Variants in NEDD4L observed in about 807,000 individuals in gnomAD.
NEDD4L encodes the protein NEDD4 like E3 ubiquitin protein ligase, also known as E3 ubiquitin-protein ligase NEDD4-like.
In NEDD4L, 54 loss-of-function variants were observed where a neutral mutation model predicts 148.9. The observed-to-expected ratio is 0.36, with a 90% confidence interval of 0.29 to 0.45. The LOEUF is 0.45. Ranked by LOEUF, NEDD4L falls within the 20% of genes least tolerant of loss-of-function variation. The pLI is 1.00. For missense variants in NEDD4L, 856 were observed against 1,233.8 expected (o/e 0.69, Z 4.59); for synonymous variants, 433 against 440.7 (o/e 0.98, Z 0.22).
At chr18:58,232,103 T>C (rs2045313129) in intron 2 of NEDD4L, among the ~76,000 whole-genome samples, 1 of 152,186 alleles carries the variant, frequency 6.6e-6, no homozygotes, top group Non-Finnish European at 1.5e-5. Context: ...GGGAGAAACA[T>C]ACACCCATAA....
intron 1 of NEDD4L, among the ~76,000 whole-genome samples, chr18:58,110,573 G>T (rs2085357878): frequency 6.6e-6 from 1 of 152,206 alleles, no homozygotes. Context: ...GTCCCAGAAG[G>T]TAGCCGTGCT....
chr18:58,111,090 G>A (rs1196931185), intron 1 of NEDD4L, among the ~76,000 whole-genome samples: 2 of 152,148 alleles, frequency 1.3e-5, no homozygotes, highest in East Asian at 3.8e-4. Context: ...CTCTTGTTGA[G>A]ACAGAGTCTC....
chr18:58,239,455 TC>T (rs1337858568), intron 2 of NEDD4L, among the ~76,000 whole-genome samples: 1 of 152,074 alleles, frequency 6.6e-6, no homozygotes, highest in African/African-American at 2.4e-5. Flanking sequence ...CTGAATGTAA[TC>T]CCCCTTGACA....
chr18:58,309,085 T>C (rs943021392), intron 5 of NEDD4L, among the ~76,000 whole-genome samples: 1 of 152,226 alleles, frequency 6.6e-6, no homozygotes, highest in Non-Finnish European at 1.5e-5. Flanking sequence ...AGTTATTCCC[T>C]GTTTAATGTC....
At chr18:58,096,163 C>G (rs544417114) in intron 1 of NEDD4L, among the ~76,000 whole-genome samples, 1 of 151,916 alleles carries the variant, frequency 6.6e-6, no homozygotes, top group East Asian at 1.9e-4. Context: ...GTGTGTGGCT[C>G]TTTTCCTTTA....
chr18:58,266,173 A>G (rs1452407102), intron 5 of NEDD4L, among the ~76,000 whole-genome samples: 4 of 152,188 alleles, frequency 2.6e-5, no homozygotes, highest in East Asian at 1.9e-4. Context: ...AAAAATTATA[A>G]TGTTGATCGG....
At chr18:58,391,878 A>G in intron 30 of NEDD4L, among the ~76,000 whole-genome samples, 1 of 152,236 alleles carries the variant, frequency 6.6e-6, no homozygotes, top group East Asian at 1.9e-4. Flanking sequence ...CTCAACCTGT[A>G]TAATAAACAC....
chr18:58,129,024 A>G (rs1234809277), intron 1 of NEDD4L, among the ~76,000 whole-genome samples: 1 of 152,184 alleles, frequency 6.6e-6, no homozygotes, highest in African/African-American at 2.4e-5. Flanking sequence ...ATTTTCCAGC[A>G]TTTGTTTTCA....
chr18:58,310,712 A>G (rs1417138429), intron 5 of NEDD4L, among the ~76,000 whole-genome samples: 1 of 152,200 alleles, frequency 6.6e-6, no homozygotes, highest in Non-Finnish European at 1.5e-5. Context: ...GAAGGAGGAA[A>G]AGGAACATTC....
chr18:58,141,767 AAGT>A (rs1827027789), intron 1 of NEDD4L, among the ~76,000 whole-genome samples: 1 of 152,202 alleles, frequency 6.6e-6, no homozygotes, highest in Non-Finnish European at 1.5e-5. Flanking sequence ...AATATTTGAA[AAGT>A]ATACCTTGCC....
At chr18:58,272,832 C>T (rs1189508510) in intron 5 of NEDD4L, among the ~76,000 whole-genome samples, 1 of 152,118 alleles carries the variant, frequency 6.6e-6, no homozygotes, top group African/African-American at 2.4e-5. Context: ...AGATGTGGCC[C>T]CTGCCCTTGT....
At chr18:58,059,340 G>A (rs1440009698) in intron 1 of NEDD4L, among the ~76,000 whole-genome samples, 1 of 152,202 alleles carries the variant, frequency 6.6e-6, no homozygotes, top group African/African-American at 2.4e-5. Context: ...AAAGGCAAAT[G>A]TGTTCCACGG....
intron 2 of NEDD4L, 24 bp from the exon 3 acceptor site, chr18:58,245,403 T>G: frequency 1.7e-6 from 2 of 1,195,344 alleles, no homozygotes; most frequent in Non-Finnish European, 2.4e-6. Flanking sequence ...ATAATCCTAT[T>G]AAATCTAAAA....
At chr18:58,322,524 C>A in intron 7 of NEDD4L, 38 bp downstream of exon 7, 1 of 1,273,094 alleles carries the variant, frequency 7.9e-7, no homozygotes. Flanking sequence ...GGATGCCTGC[C>A]CTGCATGCTG....
intron 2 of NEDD4L, among the ~76,000 whole-genome samples, chr18:58,174,777 AT>A (rs2037931103): frequency 6.6e-6 from 1 of 152,114 alleles, no homozygotes; most frequent in Non-Finnish European, 1.5e-5. Context: ...ACTATCAAAA[AT>A]TAACATTTTT....
At chr18:58,098,894 A>C (rs2084590193) in intron 1 of NEDD4L, among the ~76,000 whole-genome samples, 1 of 152,212 alleles carries the variant, frequency 6.6e-6, no homozygotes, top group African/African-American at 2.4e-5. Context: ...GGTGATACCC[A>C]ACCCATGTCA....
chr18:58,066,097 A>G (rs1036898440), intron 1 of NEDD4L, among the ~76,000 whole-genome samples: 1 of 152,206 alleles, frequency 6.6e-6, no homozygotes, highest in Non-Finnish European at 1.5e-5. Context: ...AGCAGAAATT[A>G]CTGCTGGATT....
At chr18:58,045,798 A>G (rs2081551654) in intron 1 of NEDD4L, 1 of 152,192 alleles carries the variant, frequency 6.6e-6, no homozygotes, top group South Asian at 2.1e-4. Context: ...GGTATTTCCT[A>G]TCCTGGTTGT....
intron 12 of NEDD4L, among the ~76,000 whole-genome samples, chr18:58,334,670 T>TA (rs2041484734): frequency 6.6e-6 from 1 of 152,234 alleles, no homozygotes; most frequent in Non-Finnish European, 1.5e-5. Flanking sequence ...AATAATGTAT[T>TA]ACGTATGAAT....
Sources: allele counts gnomAD v4.1 joint callset (sites outside exome capture counted in the v4.1 genomes callset), GRCh38; gene constraint gnomAD v4.1.1; transcripts MANE v1.5; gene names NCBI Gene and HGNC (gene_info 2026-07-23, HGNC 2026-07-21).